TMPRSS15: variants seen among roughly 807,000 people sequenced by gnomAD.
TMPRSS15 encodes the protein enteropeptidase.
Under a neutral mutation model 125.3 loss-of-function variants are expected in TMPRSS15, and 128 were observed. The ratio of observed to expected loss-of-function variants is 1.02; its 90% CI spans 0.89 to 1.18. TMPRSS15 has a LOEUF of 1.18. TMPRSS15 is among the 50% of genes most tolerant of loss of function. The pLI, the probability that TMPRSS15 is intolerant of heterozygous loss-of-function variation, is 0.00. For missense variants in TMPRSS15, 1,283 were observed against 1,212.7 expected (o/e 1.06, Z -0.86); for synonymous variants, 446 against 423.2 (o/e 1.05, Z -0.66).
At chr21:18,305,300 T>C (rs1338947798) in intron 18 of TMPRSS15, among the ~76,000 whole-genome samples, 5 of 150,054 alleles carry the variant, frequency 3.3e-5, no homozygotes, top group East Asian at 2.0e-4. Flanking sequence ...GCCATTCTCC[T>C]GCCTCAGCCT....
chr21:18,358,409 T>C (rs2075646300), intron 8 of TMPRSS15, among the ~76,000 whole-genome samples: 1 of 151,948 alleles, frequency 6.6e-6, no homozygotes, highest in African/African-American at 2.4e-5. Context: ...ACATTAGTCT[T>C]TGGAAATATT....
intron 13 of TMPRSS15, among the ~76,000 whole-genome samples, chr21:18,340,734 G>C (rs2075437684): frequency 9.1e-6 from 1 of 109,304 alleles, no homozygotes; most frequent in African/African-American, 3.6e-5. Context: ...TACTCCTTAA[G>C]AAGCCCACAA....
rs769100534 is a variant in TMPRSS15 at position 18,329,187 on chromosome 21, C to G, written c.1762G>C (p.Ala588Pro). The change falls in exon 15 of 25, where the codon GCT (alanine) becomes CCT (proline). Residue 588 changes from alanine to proline, a missense_variant. Physicochemically the swap from Ala to Pro is conservative, Grantham distance 27 (BLOSUM62 -1). Transcript: ENST00000284885. ...DVVEIRDGEE[A>P]DSLLLAVYTG... is the part of the protein sequence containing the mutation. ...GACTTACCTAAGAGCAAGGAATCAG[C>G]TTCTTCACCATCTCTTATTTCAACT... The G allele has an allele frequency of 1.2e-6, 2 of 1,612,590 alleles. No homozygotes were observed. The highest frequency in any genetic ancestry group is 2.7e-5 in the African/African-American group (2 of 74,874).
chr21:18,452,732 T>C (rs554401653), intron 1 of TMPRSS15, among the ~76,000 whole-genome samples: 46 of 147,632 alleles, frequency 3.1e-4, no homozygotes, highest in Non-Finnish European at 6.3e-4. Context: ...GATGAACTAA[T>C]CGATGACAAT....
At chr21:18,380,530 A>G (rs2075883537) in intron 4 of TMPRSS15, 1 of 470,528 alleles carries the variant, frequency 2.1e-6, no homozygotes, top group Non-Finnish European at 4.4e-6. Flanking sequence ...AAAGTGCCAT[A>G]AACACTGACC....
chr21:18,478,506 A>G (rs1978921570), intron 1 of TMPRSS15, among the ~76,000 whole-genome samples: 1 of 151,982 alleles, frequency 6.6e-6, no homozygotes, highest in African/African-American at 2.4e-5. Context: ...TATTCATCGA[A>G]ACTAAGATTT....
At chr21:18,279,169 T>C (rs1203840149) in intron 22 of TMPRSS15, 110 bp from the exon 23 acceptor site, 7 of 693,248 alleles carry the variant, frequency 1.0e-5, no homozygotes, top group East Asian at 5.7e-5. Flanking sequence ...CTAAAAAACA[T>C]GTATTTTTTT....
intron 1 of TMPRSS15, among the ~76,000 whole-genome samples, chr21:18,416,391 ACT>A (rs1436236189): frequency 6.6e-6 from 1 of 151,976 alleles, no homozygotes; most frequent in African/African-American, 2.4e-5. Context: ...TTGACTTTAT[ACT>A]CCATTTTAAA....
At chr21:18,398,359 A>C (rs1194289709) in intron 1 of TMPRSS15, 30 bp from the exon 2 acceptor site, 1 of 1,611,624 alleles carries the variant, frequency 6.2e-7, no homozygotes, top group South Asian at 1.1e-5. Context: ...AAAAACACTA[A>C]GATTTTGGAT....
chr21:18,330,222 C>A (rs2075331114), intron 14 of TMPRSS15, among the ~76,000 whole-genome samples: 1 of 152,160 alleles, frequency 6.6e-6, no homozygotes, highest in Non-Finnish European at 1.5e-5. Context: ...ACCCCATTTA[C>A]TTCTCAACGT....
At chr21:18,397,800 T>C (rs2824803) in intron 3 of TMPRSS15, 79 bp downstream of exon 3, 219,806 of 781,802 alleles carry the variant, frequency 0.28, 32,907 homozygotes, top group East Asian at 0.48. Context: ...TTTTCCTATA[T>C]ATAGTGATGC....
intron 10 of TMPRSS15, among the ~76,000 whole-genome samples, chr21:18,347,091 G>A (rs1230085784): frequency 6.6e-6 from 1 of 150,950 alleles, no homozygotes; most frequent in Non-Finnish European, 1.5e-5. Context: ...ATTGTACCTT[G>A]TTAAAATCGT....
At chr21:18,382,748 G>C (rs1464707641) in intron 4 of TMPRSS15, among the ~76,000 whole-genome samples, 1 of 152,008 alleles carries the variant, frequency 6.6e-6, no homozygotes, top group Admixed American at 6.6e-5. Context: ...AAGGTTTATG[G>C]GTAAGGGATT....
chr21:18,484,726 A>G (rs1979046702), intron 1 of TMPRSS15, among the ~76,000 whole-genome samples: 1 of 151,980 alleles, frequency 6.6e-6, no homozygotes, highest in East Asian at 1.9e-4. Context: ...AGGTGATTAT[A>G]TATGGGTGAA....
At chr21:18,308,543 T>C (rs2075061281) in intron 18 of TMPRSS15, among the ~76,000 whole-genome samples, 1 of 150,588 alleles carries the variant, frequency 6.6e-6, no homozygotes, top group African/African-American at 2.4e-5. Context: ...CCCCATTTTA[T>C]AAAAAGTTTA....
intron 1 of TMPRSS15, among the ~76,000 whole-genome samples, chr21:18,485,197 A>AAG (rs1979056087): frequency 6.6e-6 from 1 of 151,914 alleles, no homozygotes; most frequent in Non-Finnish European, 1.5e-5. Context: ...TTACTTTTAC[A>AAG]TATTTGCTTG....
chr21:18,382,445 A>G (rs951103107), intron 4 of TMPRSS15, among the ~76,000 whole-genome samples: 9 of 151,910 alleles, frequency 5.9e-5, no homozygotes, highest in African/African-American at 1.9e-4. Flanking sequence ...AGGAGACTCA[A>G]TCAAAGAGGA....
At chr21:18,371,337 A>G (rs917161596) in intron 6 of TMPRSS15, among the ~76,000 whole-genome samples, 26 of 152,320 alleles carry the variant, frequency 1.7e-4, no homozygotes, top group African/African-American at 6.0e-4. Flanking sequence ...TGTGGAAACC[A>G]CTAATAAGGG....
chr21:18,469,598 TC>T (rs1353105551), intron 1 of TMPRSS15, among the ~76,000 whole-genome samples: 1 of 152,070 alleles, frequency 6.6e-6, no homozygotes, highest in African/African-American at 2.4e-5. Context: ...TTACAATTGT[TC>T]AAACTTTGAT....
Sources: allele counts gnomAD v4.1 joint callset (sites outside exome capture counted in the v4.1 genomes callset), GRCh38; gene constraint gnomAD v4.1.1; transcripts MANE v1.5; gene names NCBI Gene and HGNC (gene_info 2026-07-23, HGNC 2026-07-21).